The following STARD9 variants were observed in gnomAD, a reference collection of about 807,000 sequenced individuals.
The protein encoded by STARD9 is stAR-related lipid transfer protein 9.
A neutral mutation model predicts 399.8 loss-of-function variants in STARD9; 346 were observed. The ratio of observed to expected loss-of-function variants is 0.87; its 90% CI spans 0.79 to 0.95. STARD9 has a LOEUF of 0.95. Ranked by LOEUF, STARD9 falls within the 40% of genes least tolerant of loss-of-function variation. The pLI, the probability that STARD9 is intolerant of heterozygous loss-of-function variation, is 0.00. For missense variants in STARD9, 5,832 were observed against 5,667.5 expected (o/e 1.03, Z -0.93); for synonymous variants, 2,203 against 2,143.5 (o/e 1.03, Z -0.77).
intron 1 of STARD9, among the ~76,000 whole-genome samples, chr15:42,577,452 C>T (rs564999078): frequency 3.7e-4 from 57 of 152,196 alleles, no homozygotes; most frequent in African/African-American, 1.3e-3. Flanking sequence ...TGCGCCCAGC[C>T]GGACACTAGG....
At position 42,693,473 on chromosome 15, in the gene STARD9, A is replaced by G; in HGVS notation, c.11895A>G (p.Arg3965=). The G allele has an allele frequency of 6.5e-7, 1 of 1,537,240 alleles. No homozygotes were observed. Among genetic ancestry groups the G allele is most frequent in the Non-Finnish European group, 8.7e-7 (1 of 1,146,902 alleles). Residue 3965 remains arginine (R), a synonymous_variant, in exon 23 of 33, where the codon AGA becomes AGG. Transcript: ENST00000290607. The part of the protein sequence containing the change: ...TDELGGSQRG[R]SSLQRSNGRS... ...AGTTAGGTGGCTCCCAGAGAGGTAG[A>G]AGTTCCTTACAAAGGAGTAATGGGA...
chr15:42,626,701 G>A (rs1373018195), intron 3 of STARD9, among the ~76,000 whole-genome samples: 2 of 150,258 alleles, frequency 1.3e-5, no homozygotes, highest in East Asian at 2.0e-4. Context: ...TAGTAGAGAC[G>A]GGGTTTCACC....
intron 26 of STARD9, among the ~76,000 whole-genome samples, chr15:42,707,194 C>T (rs2061106610): frequency 6.6e-6 from 1 of 152,122 alleles, no homozygotes; most frequent in Non-Finnish European, 1.5e-5. Context: ...ATTTAGGAAG[C>T]CAGATGATGC....
chr15:42,635,131 C>T (rs914768289), intron 4 of STARD9, among the ~76,000 whole-genome samples, 159 bp downstream of exon 4: 12 of 151,786 alleles, frequency 7.9e-5, no homozygotes, highest in Admixed American at 6.6e-5. Flanking sequence ...TTCGGCTGGG[C>T]GCAGTGGCTC....
intron 3 of STARD9, among the ~76,000 whole-genome samples, chr15:42,587,114 C>G (rs115532536): frequency 1.3e-5 from 2 of 151,994 alleles, no homozygotes; most frequent in Non-Finnish European, 2.9e-5. Context: ...CCTTGGCCTA[C>G]CAAAGTGCTG....
At chr15:42,615,587 T>C (rs1453912285) in intron 3 of STARD9, among the ~76,000 whole-genome samples, 1 of 151,542 alleles carries the variant, frequency 6.6e-6, no homozygotes, top group Non-Finnish European at 1.5e-5. Flanking sequence ...ATATTATATA[T>C]ATATAAAAAT....
At chr15:42,709,081 G>C (rs2061153317) in intron 26 of STARD9, among the ~76,000 whole-genome samples, 1 of 152,116 alleles carries the variant, frequency 6.6e-6, no homozygotes, top group Non-Finnish European at 1.5e-5. Flanking sequence ...TCCACTGAAT[G>C]TTGCTATATT....
chr15:42,699,392 C>CTTTTTTTTTTTTTTTT lies in STARD9; in HGVS notation c.13284+3517_13284+3532dup, dbSNP rs34614271. On this transcript the variant is annotated intron_variant, in intron 26 of 32. Coordinates refer to ENST00000290607, the MANE Select transcript of STARD9 (RefSeq NM_020759.3). ...TCTATGAGATCAACTTTTTTCTTTTCTTTTTTTTTTTTTTTTTTTTGAGAT... is the reference window on the plus strand; with the variant it reads ...TCTATGAGATCAACTTTTTTCTTTTCTTTTTTTTTTTTTTTTTTTTTTTTTTTTTTTTTTTTGAGAT... Among the ~76,000 whole-genome samples the CTTTTTTTTTTTTTTTT allele has an allele frequency of 2.1e-3, 240 of 113,282 alleles. 18 individuals are homozygous for CTTTTTTTTTTTTTTTT. The highest frequency in any genetic ancestry group is 8.5e-3 in the African/African-American group (209 of 24,544). The allele number at this position is 113,282 out of a possible 152,430, so 74.3% of individuals were successfully genotyped here.
intron 3 of STARD9, among the ~76,000 whole-genome samples, chr15:42,597,035 A>G (rs1383829115): frequency 6.6e-6 from 1 of 152,224 alleles, no homozygotes; most frequent in Non-Finnish European, 1.5e-5. Context: ...CATAGATACT[A>G]CAAACATTTT....
intron 15 of STARD9, among the ~76,000 whole-genome samples, chr15:42,666,805 A>AT (rs1040107389): frequency 6.9e-4 from 104 of 151,488 alleles, no homozygotes; most frequent in African/African-American, 2.3e-3. Flanking sequence ...TCCCAGAGAC[A>AT]TTTTTTTTTA....
intron 26 of STARD9, among the ~76,000 whole-genome samples, chr15:42,714,223 C>T (rs1025488386): frequency 5.3e-5 from 8 of 151,930 alleles, no homozygotes; most frequent in Admixed American, 1.3e-4. Flanking sequence ...CCACCATGCC[C>T]GGCTAATTTT....
At chr15:42,703,187 T>C (rs1029366563) in intron 26 of STARD9, among the ~76,000 whole-genome samples, 9 of 152,160 alleles carry the variant, frequency 5.9e-5, no homozygotes, top group African/African-American at 2.2e-4. Flanking sequence ...GTAGTCTTAT[T>C]TCATTAAATT....
chr15:42,631,593 G>T (rs1260692448), intron 3 of STARD9, among the ~76,000 whole-genome samples: 2 of 151,238 alleles, frequency 1.3e-5, no homozygotes, highest in East Asian at 3.9e-4. Context: ...AAAAAAAAAA[G>T]AAATTTTAAA....
chr15:42,718,006 T>G lies in STARD9; in HGVS notation c.13589T>G (p.Leu4530Arg). The change falls in exon 30 of 33, where the codon CTT (leucine) becomes CGT (arginine). Residue 4530 changes from leucine (L) to arginine (R), a missense_variant. Leu to Arg is a moderately radical substitution (Grantham distance 102). This residue lies in a region of STARD9 where 5,828 missense variants were observed against 5,651.1 expected (regional missense o/e 1.03). Transcript: ENST00000290607. ...NYQGEEQAVQ[L>R]YYKVFSPTRH... ...CAGGGTGAGGAGCAGGCGGTGCAGCTTTACTACAAGGTGTTTTCTCCCACT... is the reference window on the plus strand; with the variant it reads ...CAGGGTGAGGAGCAGGCGGTGCAGCGTTACTACAAGGTGTTTTCTCCCACT... The G allele has an allele frequency of 6.5e-7, 1 of 1,537,194 alleles. No individual in the cohort carries two copies. The highest frequency in any genetic ancestry group is 8.7e-7 in the Non-Finnish European group (1 of 1,146,894).
intron 20 of STARD9, among the ~76,000 whole-genome samples, chr15:42,677,193 G>C (rs1429204613): frequency 2.0e-5 from 3 of 151,974 alleles, no homozygotes; most frequent in Non-Finnish European, 4.4e-5. Context: ...GAACCCAGGA[G>C]GCAGAGGTTG....
At chr15:42,591,504 T>A (rs1050174074) in intron 3 of STARD9, among the ~76,000 whole-genome samples, 8 of 146,238 alleles carry the variant, frequency 5.5e-5, no homozygotes, top group African/African-American at 1.6e-4. Context: ...AAAAAAAAAA[T>A]GTCTGGACAT....
rs2060408654 is a variant in STARD9, at chr15:42,680,614, TC to T, written c.1875-807del. Among the ~76,000 whole-genome samples, 4 of 152,044 alleles carry T rather than the reference TC, an allele frequency of 2.6e-5. No homozygotes were observed. The East Asian group carries it at 7.7e-4, about 29-fold the overall frequency. ...GACCCTGTCTCAAAAAAAGAAAAAA[TC>T]TAAATTTTTTTGTAAGCTTTTTATT... is the stretch of plus-strand genomic sequence containing the variant. On this transcript the variant is annotated intron_variant, in intron 20 of 32. Transcript: ENST00000290607.
At chr15:42,617,167 G>A (rs2058980969) in intron 3 of STARD9, among the ~76,000 whole-genome samples, 1 of 152,090 alleles carries the variant, frequency 6.6e-6, no homozygotes, top group Admixed American at 6.6e-5. Context: ...TTTAGTACAT[G>A]CTTTACAAAT....
At chr15:42,675,365 G>A in intron 18 of STARD9, 1 of 463,184 alleles carries the variant, frequency 2.2e-6, no homozygotes, top group Non-Finnish European at 3.9e-6. Context: ...ATTAATCTAT[G>A]CAAATTCTGT....
Sources: allele counts gnomAD v4.1 joint callset (sites outside exome capture counted in the v4.1 genomes callset), GRCh38; gene constraint gnomAD v4.1.1; regional missense constraint gnomAD v4.1.1; transcripts MANE v1.5; gene names NCBI Gene and HGNC (gene_info 2026-07-23, HGNC 2026-07-21).